The following TAFA1 variants were observed in gnomAD, a reference collection of about 807,000 sequenced individuals.
TAFA1 encodes chemokine-like protein TAFA-1.
TAFA1 carries 4 observed loss-of-function variants against 18.5 expected under a neutral mutation model. That is an observed-to-expected ratio of 0.22 (90% CI 0.11 to 0.49). The LOEUF is 0.49. TAFA1 is among the 20% of genes least tolerant of loss of function. The probability of loss-of-function intolerance (pLI) is 0.98; values close to 1 mark genes in which losing one functional copy is unlikely to be tolerated. For synonymous variants in TAFA1, 56 were observed against 55.2 expected, an observed-to-expected ratio of 1.01 and a Z score of -0.06; for missense variants, 147 against 169.0, an observed-to-expected ratio of 0.87 and a Z score of 0.72.
chr3:68,438,837 A>G (rs1039356190), intron 3 of TAFA1, among the ~76,000 whole-genome samples: 2 of 152,066 alleles, frequency 1.3e-5, no homozygotes, highest in Non-Finnish European at 2.9e-5. Flanking sequence ...TTTCATCTCA[A>G]TTAAGGCCAC....
At chr3:68,320,857 C>T (rs896211864) in intron 2 of TAFA1, among the ~76,000 whole-genome samples, 1 of 152,170 alleles carries the variant, frequency 6.6e-6, no homozygotes, top group Admixed American at 6.5e-5. Flanking sequence ...TCCTGCTTAC[C>T]TCCTTCTCCC....
At chr3:68,024,510 C>G (rs894449418) in intron 2 of TAFA1, among the ~76,000 whole-genome samples, 1 of 151,904 alleles carries the variant, frequency 6.6e-6, no homozygotes, top group Non-Finnish European at 1.5e-5. Context: ...ATTTAATAAA[C>G]AGTCTTTCTT....
intron 3 of TAFA1, among the ~76,000 whole-genome samples, chr3:68,501,559 A>T (rs2072659861): frequency 1.3e-5 from 2 of 152,334 alleles, no homozygotes; most frequent in East Asian, 1.9e-4. Flanking sequence ...TTTGTTTACC[A>T]AATATTTAAT....
At chr3:68,449,978 G>A (rs1310016538) in intron 3 of TAFA1, among the ~76,000 whole-genome samples, 1 of 152,158 alleles carries the variant, frequency 6.6e-6, no homozygotes, top group Non-Finnish European at 1.5e-5. Context: ...AGCCCCTTTT[G>A]CCAGGCACAG....
At chr3:68,331,974 C>T (rs1213755241) in intron 2 of TAFA1, among the ~76,000 whole-genome samples, 1 of 147,470 alleles carries the variant, frequency 6.8e-6, no homozygotes, top group Non-Finnish European at 1.5e-5. Context: ...CGCCATTCTC[C>T]TGCCTCAGCC....
intron 2 of TAFA1, among the ~76,000 whole-genome samples, chr3:68,082,784 C>G (rs2064921473): frequency 6.6e-6 from 1 of 152,160 alleles, no homozygotes; most frequent in Non-Finnish European, 1.5e-5. Flanking sequence ...CTTTCAGAGA[C>G]TGACACAGTT....
At chr3:68,433,998 T>C (rs1026828511) in intron 3 of TAFA1, among the ~76,000 whole-genome samples, 3 of 152,074 alleles carry the variant, frequency 2.0e-5, no homozygotes, top group Admixed American at 1.3e-4. Context: ...TATCACAGAC[T>C]CAATTGACTA....
At chr3:68,415,695 A>T (rs747030624) in intron 2 of TAFA1, among the ~76,000 whole-genome samples, 5 of 152,106 alleles carry the variant, frequency 3.3e-5, no homozygotes, top group Non-Finnish European at 5.9e-5. Context: ...ACTCTACCAT[A>T]TGTCAGGCTC....
chr3:68,360,488 G>T (rs954463330), intron 2 of TAFA1, among the ~76,000 whole-genome samples: 1 of 151,896 alleles, frequency 6.6e-6, no homozygotes, highest in Non-Finnish European at 1.5e-5. Flanking sequence ...ACAAAGGAAT[G>T]ATGAGTAGAA....
intron 2 of TAFA1, among the ~76,000 whole-genome samples, chr3:68,353,422 G>A (rs1331805433): frequency 1.3e-5 from 2 of 152,048 alleles, no homozygotes; most frequent in Non-Finnish European, 2.9e-5. Context: ...GCTGCACAAG[G>A]ACATCATGTG....
chr3:68,039,704 T>C (rs1705124872), intron 2 of TAFA1, among the ~76,000 whole-genome samples: 1 of 152,048 alleles, frequency 6.6e-6, no homozygotes, highest in South Asian at 2.1e-4. Context: ...TACTTGGAGG[T>C]CATTGATGAT....
At chr3:68,538,938 G>C in intron 4 of TAFA1, 58 bp downstream of exon 4, 1 of 1,582,982 alleles carries the variant, frequency 6.3e-7, no homozygotes, top group African/African-American at 1.3e-5. Context: ...ATTTGAGTTT[G>C]TGCTGTGCAA....
intron 3 of TAFA1, among the ~76,000 whole-genome samples, chr3:68,433,525 G>T (rs186768458): frequency 2.0e-5 from 3 of 152,076 alleles, no homozygotes; most frequent in African/African-American, 7.2e-5. Flanking sequence ...CTTTATTTCT[G>T]TACAACAAAT....
chr3:68,072,766 C>A (rs2064772953), intron 2 of TAFA1, among the ~76,000 whole-genome samples: 1 of 151,592 alleles, frequency 6.6e-6, no homozygotes, highest in African/African-American at 2.4e-5. Context: ...GTGGGGTGTC[C>A]CCAGAGGGAT....
intron 3 of TAFA1, among the ~76,000 whole-genome samples, chr3:68,482,127 C>T (rs1203840855): frequency 6.6e-6 from 1 of 152,210 alleles, no homozygotes; most frequent in Non-Finnish European, 1.5e-5. Context: ...TGTCCTGCCT[C>T]AGCCTCCTGA....
At chr3:68,490,386 G>C (rs1386600857) in intron 3 of TAFA1, among the ~76,000 whole-genome samples, 2 of 148,980 alleles carry the variant, frequency 1.3e-5, no homozygotes, top group African/African-American at 4.9e-5. Flanking sequence ...ACTATATTTT[G>C]AGCTTTTAAT....
At chr3:68,066,947 G>T (rs2064686020) in intron 2 of TAFA1, among the ~76,000 whole-genome samples, 1 of 152,102 alleles carries the variant, frequency 6.6e-6, no homozygotes, top group South Asian at 2.1e-4. Context: ...GGGGTTTTTA[G>T]GGGCAATTAA....
At chr3:68,539,281 T>C (rs1410202188) in intron 4 of TAFA1, among the ~76,000 whole-genome samples, 1 of 152,194 alleles carries the variant, frequency 6.6e-6, no homozygotes, top group Non-Finnish European at 1.5e-5. Context: ...CATTTTCTAA[T>C]GTTCTTTAAA....
chr3:68,309,396 A>G (rs1013289265), intron 2 of TAFA1, among the ~76,000 whole-genome samples: 1 of 152,204 alleles, frequency 6.6e-6, no homozygotes, highest in Non-Finnish European at 1.5e-5. Context: ...ACAATAATCA[A>G]GGTATTATAC....
Sources: allele counts gnomAD v4.1 joint callset (sites outside exome capture counted in the v4.1 genomes callset), GRCh38; gene constraint gnomAD v4.1.1; transcripts MANE v1.5; gene names NCBI Gene and HGNC (gene_info 2026-07-23, HGNC 2026-07-21).